The following PSMF1 variants were observed in gnomAD, a reference collection of about 807,000 sequenced individuals.
PSMF1 encodes proteasome inhibitor subunit 1, also known as proteasome inhibitor PI31 subunit.
PSMF1 carries 30 observed loss-of-function variants against 29.3 expected under a neutral mutation model. The observed-to-expected ratio is 1.02, with a 90% CI of 0.77 to 1.39. The LOEUF is 1.39. Ranked by LOEUF, PSMF1 falls within the 40% of genes most tolerant of loss-of-function variation. PSMF1 has a pLI of 0.00. For missense variants in PSMF1, 344 were observed against 357.5 expected (o/e 0.96, Z 0.31); for synonymous variants, 134 against 139.7 (o/e 0.96, Z 0.29).
At chr20:1,152,071 AT>A (rs973247567) in intron 4 of PSMF1, among the ~76,000 whole-genome samples, 31 of 148,888 alleles carry the variant, frequency 2.1e-4, no homozygotes, top group Non-Finnish European at 2.4e-4. Context: ...TTAACCACGG[AT>A]TTTTTTTTTT....
Position 1,118,637 on chromosome 20 carries a change from A to T in PSMF1, c.-137A>T, listed in dbSNP as rs572096926. 3.6e-5 allele frequency: 39 copies of T among 1,090,592 alleles called. No individual in the cohort carries two copies. Among genetic ancestry groups the T allele is most frequent in the Middle Eastern group, 6.4e-4 (2 of 3,136 alleles). 67.6% of individuals were successfully genotyped at this position (1,090,592 alleles called of 1,614,324 possible). The stretch of plus-strand genomic sequence containing the variant: ...CCCCGCCCCGTCCCCGGGCGTCTCC[A>T]TTTTGGTCTCAGGTGTGGACTCGGC... On this transcript the variant is annotated 5_prime_UTR_variant, in exon 1 of 7. Coordinates refer to ENST00000335877, the MANE Select transcript of PSMF1 (RefSeq NM_006814.5).
At chr20:1,155,447 T>C (rs1208805723) in intron 4 of PSMF1, among the ~76,000 whole-genome samples, 7 of 152,144 alleles carry the variant, frequency 4.6e-5, no homozygotes, top group Non-Finnish European at 1.5e-5. Flanking sequence ...TCCCTCCACT[T>C]GATGTTGGAC....
chr20:1,125,516 A>G lies in PSMF1; in HGVS notation c.148A>G (p.Lys50Glu), dbSNP rs778485643. 1 of 1,610,404 alleles carries G rather than the reference A, an allele frequency of 6.2e-7. No individual in the cohort carries two copies. The highest frequency in any genetic ancestry group is 1.1e-5 in the South Asian group (1 of 90,592). ...VGDQPGPNDK[K>E]SELLPAGWNN... ...TTCCCAGCCGGGTCCCAATGATAAG[A>G]AGTCAGAACTGCTGCCAGCTGGGTG... Residue 50 changes from lysine to glutamate, a missense_variant, in exon 2 of 7, where the codon AAG (lysine) becomes GAG (glutamate). Lys to Glu is a moderately conservative substitution (Grantham distance 56). Coordinates refer to ENST00000335877, the MANE Select transcript of PSMF1 (RefSeq NM_006814.5).
At chr20:1,150,542 A>G (rs921420811) in intron 4 of PSMF1, among the ~76,000 whole-genome samples, 2 of 151,988 alleles carry the variant, frequency 1.3e-5, no homozygotes, top group Admixed American at 6.6e-5. Flanking sequence ...CTCGAAGTTT[A>G]CTAGCCATTT....
In PSMF1 at chr20:1,135,158, G is replaced by A. The variant is rs201806021; in HGVS notation, c.403G>A (p.Val135Met). The change falls in exon 4 of 7, where the codon GTG becomes ATG. Residue 135 changes from valine (V) to methionine (M), a missense_variant. Transcript: ENST00000335877. ...CAGTGAGGAGCTTCGGTCTCGTATTGTGTCTGGAATCATCACACCTATCCA... is the reference window on the plus strand; with the variant it reads ...CAGTGAGGAGCTTCGGTCTCGTATTATGTCTGGAATCATCACACCTATCCA... Reference protein sequence around the residue: ...KNSEELRSRIVSGIITPIHEQ... With the variant: ...KNSEELRSRIMSGIITPIHEQ... 4.3e-6 allele frequency: 7 copies of A among 1,614,168 alleles called. No homozygotes were observed. The highest frequency in any genetic ancestry group is 5.9e-6 in the Non-Finnish European group (7 of 1,180,038).
intron 3 of PSMF1, chr20:1,134,913 A>C: frequency 1.5e-6 from 1 of 662,510 alleles, no homozygotes; most frequent in Admixed American, 2.3e-5. Context: ...ATGCCTAAGA[A>C]GCTTGGGCCC....
intron 4 of PSMF1, among the ~76,000 whole-genome samples, chr20:1,149,248 A>G (rs2086495319): frequency 6.6e-6 from 1 of 152,246 alleles, no homozygotes; most frequent in Non-Finnish European, 1.5e-5. Context: ...CTTGACGAGT[A>G]GTAGTTTTTG....
In PSMF1 at chr20:1,170,335, C is replaced by G. The variant is rs1055543452; in HGVS notation, c.*5255C>G. On this transcript the variant is annotated 3_prime_UTR_variant, in exon 7 of 7. Coordinates refer to ENST00000335877, the MANE Select transcript of PSMF1 (RefSeq NM_006814.5). The stretch of plus-strand genomic sequence containing the variant: ...AGTACAAAGAATTGAGCCAGTCAGT[C>G]CTCTTGGTTAATGGCACATTATGAT... Among the ~76,000 whole-genome samples the G allele has an allele frequency of 2.6e-5, 4 of 152,178 alleles. No homozygotes were observed. The highest frequency in any genetic ancestry group is 9.7e-5 in the African/African-American group (4 of 41,438).
rs1310993533 is a variant in PSMF1, at chr20:1,167,328, C to G, written c.*2248C>G. 6.6e-6 allele frequency: 1 copy of G among 152,122 alleles called. No homozygotes were observed. Among genetic ancestry groups the G allele is most frequent in the Non-Finnish European group, 1.5e-5 (1 of 68,032 alleles). 9.4% of individuals were successfully genotyped at this position (152,122 alleles called of 1,614,324 possible). On this transcript the variant is annotated 3_prime_UTR_variant, in exon 7 of 7. Transcript: ENST00000335877. ...AAACATCAGCACTAAGTGACCTGTT[C>G]CTCCTTTTTTAAATAGCAGCTTTAT...
chr20:1,131,002 A>G (rs1274007769), intron 3 of PSMF1, among the ~76,000 whole-genome samples: 2 of 152,240 alleles, frequency 1.3e-5, no homozygotes, highest in Non-Finnish European at 2.9e-5. Context: ...GGGAAGGGGA[A>G]GTGAGCCAGG....
At chr20:1,137,581 T>C (rs2086323215) in intron 4 of PSMF1, among the ~76,000 whole-genome samples, 2 of 151,964 alleles carry the variant, frequency 1.3e-5, no homozygotes, top group Non-Finnish European at 2.9e-5. Context: ...TTATATAGGA[T>C]AAATTGACCT....
At chr20:1,130,609 T>G (rs1279166205) in intron 3 of PSMF1, among the ~76,000 whole-genome samples, 3 of 152,232 alleles carry the variant, frequency 2.0e-5, no homozygotes, top group Non-Finnish European at 4.4e-5. Context: ...GCCCCCAGGC[T>G]TACAGCTTCA....
chr20:1,160,484 C>T (rs2086652341), intron 4 of PSMF1: 1 of 189,894 alleles, frequency 5.3e-6, no homozygotes, highest in Admixed American at 5.8e-5. Flanking sequence ...ATTATCAGAT[C>T]AAAGAATAGA....
At chr20:1,145,819 G>T (rs1010446231) in intron 4 of PSMF1, among the ~76,000 whole-genome samples, 1 of 152,156 alleles carries the variant, frequency 6.6e-6, no homozygotes, top group African/African-American at 2.4e-5. Flanking sequence ...ACTGCTGCAG[G>T]TCCAGCAAGT....
Position 1,169,368 on chromosome 20 carries a change from C to T in PSMF1, c.*4288C>T, listed in dbSNP as rs571396910. Among the ~76,000 whole-genome samples, 20 of 152,140 alleles carry T rather than the reference C, an allele frequency of 1.3e-4. No homozygotes were observed. Among genetic ancestry groups the T allele is most frequent in the Admixed American group, 3.9e-4 (6 of 15,282 alleles). On this transcript the variant is annotated 3_prime_UTR_variant, in exon 7 of 7. Coordinates refer to ENST00000335877, the MANE Select transcript of PSMF1 (RefSeq NM_006814.5). ...CGAGTGGTAGTGCCCATGGGAGGTG[C>T]GAAGTGGAAGGCCCAGCCCTTGCTT... is the stretch of plus-strand genomic sequence containing the variant.
intron 4 of PSMF1, among the ~76,000 whole-genome samples, chr20:1,145,402 G>A (rs1275554070): frequency 6.6e-6 from 1 of 152,120 alleles, no homozygotes; most frequent in African/African-American, 2.4e-5. Flanking sequence ...ATAGGAAAAG[G>A]AATCTGAGCC....
At chr20:1,142,427 C>T (rs13040574) in intron 4 of PSMF1, among the ~76,000 whole-genome samples, 3 of 150,438 alleles carry the variant, frequency 2.0e-5, no homozygotes, top group South Asian at 2.1e-4. Context: ...CTCCTCCCCC[C>T]ACCCCACAAC....
In PSMF1 at chr20:1,118,855, T is replaced by G. The variant is rs754092209; in HGVS notation, c.82T>G (p.Trp28Gly). The change falls in exon 1 of 7, where the codon TGG (tryptophan) becomes GGG (glycine). Residue 28 changes from tryptophan to glycine, a missense_variant. Physicochemically the swap from Trp to Gly is radical, Grantham distance 184. Transcript: ENST00000335877. ...RQDALVCFLH[W>G]EVVTHGYFGL... ...GGACGCGCTCGTCTGCTTCTTGCATTGGGAAGTGGTGACACACGGTTACTT... is the reference window on the plus strand; with the variant it reads ...GGACGCGCTCGTCTGCTTCTTGCATGGGGAAGTGGTGACACACGGTTACTT... 4.6e-5 allele frequency: 75 copies of G among 1,613,868 alleles called. No individual in the cohort carries two copies. Among genetic ancestry groups the G allele is most frequent in the Non-Finnish European group, 5.9e-5 (70 of 1,179,860 alleles).
At chr20:1,138,129 C>T (rs2086331163) in intron 4 of PSMF1, among the ~76,000 whole-genome samples, 1 of 152,174 alleles carries the variant, frequency 6.6e-6, no homozygotes, top group South Asian at 2.1e-4. Flanking sequence ...GGGAATACTT[C>T]CCAGCTTCTT....
Sources: allele counts gnomAD v4.1 joint callset (sites outside exome capture counted in the v4.1 genomes callset), GRCh38; gene constraint gnomAD v4.1.1; transcripts MANE v1.5; gene names NCBI Gene and HGNC (gene_info 2026-07-23, HGNC 2026-07-21).